PRKAR2A: variants seen among roughly 807,000 people sequenced by gnomAD.
PRKAR2A encodes cAMP-dependent protein kinase type II-alpha regulatory subunit.
PRKAR2A carries 29 observed loss-of-function variants against 51.9 expected under a neutral mutation model. The ratio of observed to expected loss-of-function variants is 0.56; its 90% CI spans 0.42 to 0.76. The LOEUF is 0.76. Ranked by LOEUF, PRKAR2A falls within the 30% of genes least tolerant of loss-of-function variation. The pLI is 0.00. For synonymous variants in PRKAR2A, 178 were observed against 186.2 expected, an observed-to-expected ratio of 0.96 and a Z score of 0.36; for missense variants, 445 against 512.1, an observed-to-expected ratio of 0.87 and a Z score of 1.26.
intron 6 of PRKAR2A, among the ~76,000 whole-genome samples, chr3:48,769,348 G>A (rs1441808410): frequency 6.6e-6 from 1 of 151,472 alleles, no homozygotes; most frequent in Non-Finnish European, 1.5e-5. Flanking sequence ...TAGTAGAGAC[G>A]GGGTTTCACC....
chr3:48,829,520 A>AAAAT (rs1206391795), intron 1 of PRKAR2A, among the ~76,000 whole-genome samples: 1 of 150,286 alleles, frequency 6.7e-6, no homozygotes, highest in Non-Finnish European at 1.5e-5. Flanking sequence ...CTCCATCTCA[A>AAAAT]AAATAAATAA....
intron 2 of PRKAR2A, among the ~76,000 whole-genome samples, chr3:48,805,921 CCAAA>C (rs962314410): frequency 3.3e-5 from 5 of 152,278 alleles, no homozygotes; most frequent in South Asian, 2.1e-4. Context: ...TGGCAGAGGG[CCAAA>C]CAAACTAACA....
chr3:48,775,222 TG>T lies in PRKAR2A; in HGVS notation c.543-2115del, dbSNP rs1416132367. Among the ~76,000 whole-genome samples, 3 of 152,042 alleles carry T rather than the reference TG, an allele frequency of 2.0e-5. No individual in the cohort carries two copies. In the East Asian group the frequency reaches 5.9e-4, roughly 30 times the overall value. On this transcript the variant is annotated intron_variant, in intron 5 of 10. Transcript: ENST00000265563. ...GGGAGGCCAAGGTGGGTGGATCACCTGAGGTCAGGAGTTCGAGACTAGCCTG... is the reference window on the plus strand; with the variant it reads ...GGGAGGCCAAGGTGGGTGGATCACCTAGGTCAGGAGTTCGAGACTAGCCTG...
At chr3:48,802,748 T>G (rs1448246390) in intron 2 of PRKAR2A, among the ~76,000 whole-genome samples, 1 of 152,152 alleles carries the variant, frequency 6.6e-6, no homozygotes, top group Non-Finnish European at 1.5e-5. Context: ...AAACAGCTAC[T>G]TCACGCGGTT....
intron 1 of PRKAR2A, among the ~76,000 whole-genome samples, chr3:48,823,786 CAA>C (rs911139872): frequency 4.5e-4 from 29 of 63,872 alleles, no homozygotes; most frequent in Non-Finnish European, 5.5e-4. Flanking sequence ...ACCCCGTCTC[CAA>C]AAAAAAAAAA....
At position 48,847,755 on chromosome 3, in the gene PRKAR2A, G is replaced by A; in HGVS notation, c.-159C>T. On this transcript the variant is annotated 5_prime_UTR_variant, in exon 1 of 11. Coordinates refer to ENST00000265563, the MANE Select transcript of PRKAR2A (RefSeq NM_004157.4). The surrounding 1 kb of genome is among the most constrained non-coding windows in gnomAD (Gnocchi z 4.4). ...TTGGCCGGCTCTGCGTTTCCGGGCC[G>A]CGCAACCCTACGCTACCACGGCCGA... is the stretch of plus-strand genomic sequence containing the variant. 1.3e-6 allele frequency: 1 copy of A among 763,212 alleles called. No homozygotes were observed. The highest frequency in any genetic ancestry group is 1.9e-6 in the Non-Finnish European group (1 of 536,086). 47.3% of individuals were successfully genotyped at this position (763,212 alleles called of 1,614,324 possible). A position where few individuals can be genotyped will look rare whatever the true frequency, so the allele number is the denominator to read the frequency against.
intron 5 of PRKAR2A, among the ~76,000 whole-genome samples, chr3:48,777,644 A>G (rs1173935871): frequency 6.6e-6 from 1 of 152,120 alleles, no homozygotes; most frequent in East Asian, 1.9e-4. Flanking sequence ...TGATCTTGTG[A>G]TCCACCCACC....
At chr3:48,834,027 T>A in intron 1 of PRKAR2A, among the ~76,000 whole-genome samples, 1 of 126,844 alleles carries the variant, frequency 7.9e-6, no homozygotes. Flanking sequence ...AAAGCAAGAC[T>A]CCGTCTTAAA....
intron 1 of PRKAR2A, among the ~76,000 whole-genome samples, chr3:48,829,565 C>A (rs1181446330): frequency 1.0e-5 from 1 of 99,154 alleles, no homozygotes; most frequent in African/African-American, 3.7e-5. Context: ...TGTATATATA[C>A]ACACATAAAT....
At chr3:48,793,922 GT>G in intron 3 of PRKAR2A, 74 bp downstream of exon 3, 3 of 1,142,902 alleles carry the variant, frequency 2.6e-6, no homozygotes, top group Non-Finnish European at 3.9e-6. Context: ...AGCATGATGA[GT>G]TTTTGGTATG....
At chr3:48,843,978 T>G (rs2083421098) in intron 1 of PRKAR2A, among the ~76,000 whole-genome samples, 1 of 148,608 alleles carries the variant, frequency 6.7e-6, no homozygotes, top group African/African-American at 2.5e-5. Flanking sequence ...AAGCCAAAAT[T>G]GACAAATGGG....
At chr3:48,829,806 CATATATAT>C (rs1559646721) in intron 1 of PRKAR2A, among the ~76,000 whole-genome samples, 2 of 116,404 alleles carry the variant, frequency 1.7e-5, no homozygotes, top group African/African-American at 6.4e-5. Context: ...CGTATATATA[CATATATAT>C]GTATGTATAT....
intron 4 of PRKAR2A, among the ~76,000 whole-genome samples, chr3:48,789,740 T>C (rs894482549): frequency 1.3e-5 from 2 of 152,050 alleles, no homozygotes; most frequent in Admixed American, 1.3e-4. Context: ...CCCAGAGTGC[T>C]AGGATTACAG....
At position 48,847,822 on chromosome 3, in the gene PRKAR2A, G is replaced by C. The variant is rs991740015; in HGVS notation, c.-226C>G. 4 of 398,992 alleles carry C rather than the reference G, an allele frequency of 1.0e-5. No individual in the cohort carries two copies. Among genetic ancestry groups the C allele is most frequent in the African/African-American group, 2.1e-5 (1 of 47,982 alleles). The allele number at this position is 398,992 out of a possible 1,614,324, so 24.7% of individuals were successfully genotyped here. The stretch of plus-strand genomic sequence containing the variant: ...CTGTCACTGGGCAGCCGCCGCCGCC[G>C]CGGGGACCGACGGGCAGGCGAGCTG... On this transcript the variant is annotated 5_prime_UTR_variant, in exon 1 of 11. Transcript: ENST00000265563. This position sits in a 1 kb window ranked among gnomAD's most constrained non-coding sequence, Gnocchi z 4.4.
intron 3 of PRKAR2A, among the ~76,000 whole-genome samples, chr3:48,793,449 T>C (rs967499423): frequency 5.9e-5 from 9 of 152,192 alleles, no homozygotes; most frequent in Admixed American, 5.9e-4. Flanking sequence ...GTCGTTGTTA[T>C]TTTAACAGAA....
At chr3:48,756,614 A>G (rs1415956243) in intron 8 of PRKAR2A, among the ~76,000 whole-genome samples, 170 bp from the exon 9 acceptor site, 1 of 152,206 alleles carries the variant, frequency 6.6e-6, no homozygotes, top group Admixed American at 6.6e-5. Flanking sequence ...CCTCTTAGGA[A>G]AAGGAAAAAA....
chr3:48,810,704 T>C (rs2082756730), intron 1 of PRKAR2A, among the ~76,000 whole-genome samples: 1 of 152,166 alleles, frequency 6.6e-6, no homozygotes, highest in African/African-American at 2.4e-5. Context: ...AATACATATA[T>C]ATGTATATGT....
chr3:48,794,852 T>C (rs561208606), intron 2 of PRKAR2A, among the ~76,000 whole-genome samples: 198 of 152,312 alleles, frequency 1.3e-3, no homozygotes, highest in Non-Finnish European at 2.4e-3. Context: ...ATACTTTTAC[T>C]GGTTAATTTT....
intron 1 of PRKAR2A, among the ~76,000 whole-genome samples, chr3:48,829,293 C>A (rs1222255561): frequency 1.3e-5 from 2 of 151,204 alleles, no homozygotes; most frequent in African/African-American, 4.8e-5. Context: ...CCCAGGTGGG[C>A]AGATCACCTG....
Sources: gnomAD v4.1 joint callset for allele counts (sites outside exome capture counted in the v4.1 genomes callset) on GRCh38, gnomAD v4.1.1 for gene constraint, Gnocchi (gnomAD v3.1) non-coding constraint, MANE v1.5 for transcripts, NCBI Gene and HGNC (gene_info 2026-07-23, HGNC 2026-07-21) for gene names.